CSGALNACT1: variants seen among roughly 807,000 people sequenced by gnomAD.
The protein encoded by CSGALNACT1 is beta4GalNAcT-1.
In CSGALNACT1, 52 loss-of-function variants were observed where a neutral mutation model predicts 51.0. That is an observed-to-expected ratio of 1.02 (90% CI 0.82 to 1.29). The LOEUF is 1.29. CSGALNACT1 is among the 50% of genes most tolerant of loss of function. CSGALNACT1 has a pLI of 0.00. For synonymous variants in CSGALNACT1, 341 were observed against 254.4 expected (o/e 1.34, Z -3.24); for missense variants, 935 against 679.2 (o/e 1.38, Z -4.19).
At chr8:19,753,855 AAC>A (rs538918119) in intron 1 of CSGALNACT1, among the ~76,000 whole-genome samples, 2 of 152,258 alleles carry the variant, frequency 1.3e-5, no homozygotes, top group Non-Finnish European at 2.9e-5. Context: ...GGCAAATAAA[AAC>A]ACAAACAAAT....
chr8:19,645,153 A>G (rs1252627481), intron 1 of CSGALNACT1, among the ~76,000 whole-genome samples: 1 of 152,258 alleles, frequency 6.6e-6, no homozygotes, highest in African/African-American at 2.4e-5. Flanking sequence ...TCACCAAGGC[A>G]GGAGGCCGGG....
chr8:19,663,671 G>T (rs1411873644), intron 1 of CSGALNACT1, among the ~76,000 whole-genome samples: 1 of 152,204 alleles, frequency 6.6e-6, no homozygotes, highest in Admixed American at 6.5e-5. Context: ...AGACACTAGG[G>T]AAAAGTACAT....
At chr8:19,734,324 T>C (rs1274416462) in intron 1 of CSGALNACT1, among the ~76,000 whole-genome samples, 2 of 152,198 alleles carry the variant, frequency 1.3e-5, no homozygotes, top group Non-Finnish European at 2.9e-5. Flanking sequence ...AACAAAAAGC[T>C]GAGTCTCAGC....
At chr8:19,597,285 C>CTTTTTATTTTTTT (rs2049133976) in intron 2 of CSGALNACT1, among the ~76,000 whole-genome samples, 1 of 64,528 alleles carries the variant, frequency 1.5e-5, no homozygotes, top group African/African-American at 7.0e-5. Flanking sequence ...TATCTTCTTT[C>CTTTTTATTTTTTT]TTTTTTTTTT....
In CSGALNACT1 at chr8:19,693,782, G is replaced by T. The variant is rs972732435; in HGVS notation, c.-297+64068C>A. ...ACTCCAGCTTTCTCGGGACAAGCCA[G>T]TCTCCACTGGTATCTGCTACCTTCC... On this transcript the variant is annotated intron_variant, in intron 1 of 1. Coordinates refer to the CSGALNACT1 transcript ENST00000517494. 1.5e-3 allele frequency among the ~76,000 whole-genome samples: 221 copies of T among 152,264 alleles called. 1 individual carries two copies. Among genetic ancestry groups the T allele is most frequent in the African/African-American group, 5.2e-3 (215 of 41,540 alleles).
intron 4 of CSGALNACT1, among the ~76,000 whole-genome samples, chr8:19,474,164 C>T (rs1038447965): frequency 2.6e-5 from 4 of 152,084 alleles, no homozygotes; most frequent in Non-Finnish European, 5.9e-5. Flanking sequence ...TAAACAGGTG[C>T]TATAACAAAG....
intron 1 of CSGALNACT1, among the ~76,000 whole-genome samples, chr8:19,737,943 T>C (rs2154248855): frequency 6.6e-6 from 1 of 152,314 alleles, no homozygotes; most frequent in Middle Eastern, 3.4e-3. Flanking sequence ...TTTGACAATA[T>C]TAAAAGAGTT....
At chr8:19,624,519 C>T (rs986422441) in intron 1 of CSGALNACT1, among the ~76,000 whole-genome samples, 1 of 152,220 alleles carries the variant, frequency 6.6e-6, no homozygotes, top group South Asian at 2.1e-4. Flanking sequence ...ACACTAAGTA[C>T]TGCACACATG....
At chr8:19,621,716 G>A (rs998301243) in intron 1 of CSGALNACT1, among the ~76,000 whole-genome samples, 10 of 151,998 alleles carry the variant, frequency 6.6e-5, no homozygotes, top group African/African-American at 2.4e-4. Context: ...ATGAGGTTGA[G>A]GCTGCAGTGA....
Position 19,623,301 on chromosome 8 carries a change from C to T in CSGALNACT1, c.-543-21436G>A, listed in dbSNP as rs1184048363. Among the ~76,000 whole-genome samples, 3 of 152,196 alleles carry T rather than the reference C, an allele frequency of 2.0e-5. No individual in the cohort carries two copies. In the East Asian group the frequency reaches 5.8e-4, roughly 29 times the overall value. ...ATTAAAGGGAGAAGTAATAATAATCCTTAATCATAGATATTTTAATATACC... is the reference window on the plus strand; with the variant it reads ...ATTAAAGGGAGAAGTAATAATAATCTTTAATCATAGATATTTTAATATACC... On this transcript the variant is annotated intron_variant, in intron 1 of 9. Transcript: ENST00000332246.
At chr8:19,556,720 C>T in intron 3 of CSGALNACT1, among the ~76,000 whole-genome samples, 1 of 151,984 alleles carries the variant, frequency 6.6e-6, no homozygotes, top group Non-Finnish European at 1.5e-5. Flanking sequence ...ATAATTTCTC[C>T]AGTGCCAACA....
At chr8:19,526,438 C>T (rs1037117817) in intron 3 of CSGALNACT1, among the ~76,000 whole-genome samples, 3 of 152,132 alleles carry the variant, frequency 2.0e-5, no homozygotes, top group African/African-American at 7.2e-5. Context: ...CAAAAATTAG[C>T]TGGGCATGGT....
intron 1 of CSGALNACT1, among the ~76,000 whole-genome samples, chr8:19,740,184 C>T (rs899864857): frequency 2.0e-5 from 3 of 152,200 alleles, no homozygotes; most frequent in Admixed American, 6.5e-5. Context: ...TCCATCCCAC[C>T]TGGGCCACAT....
chr8:19,500,508 G>A (rs1442429653), intron 4 of CSGALNACT1, among the ~76,000 whole-genome samples: 2 of 152,094 alleles, frequency 1.3e-5, no homozygotes, highest in African/African-American at 2.4e-5. Flanking sequence ...TTTCCTGTCC[G>A]CTAACATCCC....
intron 1 of CSGALNACT1, among the ~76,000 whole-genome samples, chr8:19,652,419 C>G (rs2057896640): frequency 6.6e-6 from 1 of 152,152 alleles, no homozygotes; most frequent in African/African-American, 2.4e-5. Context: ...GGATGCATAT[C>G]TAGAAATAGA....
At chr8:19,405,267 T>A in exon 10 of CSGALNACT1, 1 of 453,638 alleles carries the variant, frequency 2.2e-6, no homozygotes, top group South Asian at 1.6e-5. Flanking sequence ...TTTCTTTTCT[T>A]TTCTGGTCCA....
chr8:19,478,641 C>T (rs1306380137), intron 4 of CSGALNACT1, among the ~76,000 whole-genome samples: 2 of 152,022 alleles, frequency 1.3e-5, no homozygotes, highest in Non-Finnish European at 2.9e-5. Context: ...ACTGGTACTT[C>T]GCTAATAACA....
intron 3 of CSGALNACT1, among the ~76,000 whole-genome samples, chr8:19,519,527 C>G (rs960821603): frequency 6.6e-6 from 1 of 152,192 alleles, no homozygotes; most frequent in East Asian, 1.9e-4. Context: ...AGAAAACACG[C>G]AGCAGAGAAC....
intron 3 of CSGALNACT1, among the ~76,000 whole-genome samples, chr8:19,554,548 G>GGAAGAGTGTAGCAGGAAACCAGCAA (rs1216694231): frequency 7.8e-4 from 34 of 43,840 alleles, no homozygotes; most frequent in Non-Finnish European, 1.2e-3. Context: ...TGAGCAAACT[G>GGAAGAGTGTAGCAGGAAACCAGCAA]ACAGTTTCCA....
Sources: allele counts gnomAD v4.1 joint callset (sites outside exome capture counted in the v4.1 genomes callset), GRCh38; gene constraint gnomAD v4.1.1; transcripts MANE v1.5; gene names NCBI Gene and HGNC (gene_info 2026-07-23, HGNC 2026-07-21).